The following MICAL3 variants were observed in gnomAD, a reference collection of about 807,000 sequenced individuals.
MICAL3 encodes the protein [F-actin]-monooxygenase MICAL3.
In MICAL3, 62 loss-of-function variants were observed where a neutral mutation model predicts 207.4. The ratio of observed to expected loss-of-function variants is 0.30; its 90% confidence interval spans 0.24 to 0.37. MICAL3 has a LOEUF of 0.37. Ranked by LOEUF, MICAL3 falls within the 10% of genes least tolerant of loss-of-function variation. The pLI, the probability that MICAL3 is intolerant of heterozygous loss-of-function variation, is 1.00. For synonymous variants in MICAL3, 1,077 were observed against 1,069.3 expected, an observed-to-expected ratio of 1.01 and a Z score of -0.14; for missense variants, 2,368 against 2,635.6, an observed-to-expected ratio of 0.90 and a Z score of 2.22.
At chr22:17,969,170 G>A (rs1935289951) in intron 1 of MICAL3, among the ~76,000 whole-genome samples, 1 of 152,160 alleles carries the variant, frequency 6.6e-6, no homozygotes, top group African/African-American at 2.4e-5. Context: ...CTCCCGAGTA[G>A]CTGGGATTAC....
Position 17,977,535 on chromosome 22 carries a change from A to AT in MICAL3, c.-75+46745dup, listed in dbSNP as rs1556513017. Among the ~76,000 whole-genome samples the AT allele has an allele frequency of 1.4e-3, 185 of 134,860 alleles. 2 individuals are homozygous for AT. The highest frequency in any genetic ancestry group is 3.7e-3 in the African/African-American group (118 of 32,046). The allele number at this position is 134,860 out of a possible 152,430, so 88.5% of individuals were successfully genotyped here. A position where few individuals can be genotyped will look rare whatever the true frequency, so the allele number is the denominator to read the frequency against. On this transcript the variant is annotated intron_variant, in intron 1 of 31. Coordinates refer to ENST00000441493, the MANE Select transcript of MICAL3 (RefSeq NM_015241.3). Reference sequence around the variant, plus strand: ...CTTCATACCCACTAGGAAGACTATAATAAAAAAAAAAAAAGACAGACAATA... The same window carrying AT: ...CTTCATACCCACTAGGAAGACTATAATTAAAAAAAAAAAAAGACAGACAATA...
At chr22:17,891,444 T>C in intron 12 of MICAL3, 41 bp downstream of exon 12, 1 of 1,601,894 alleles carries the variant, frequency 6.2e-7, no homozygotes, top group Non-Finnish European at 8.6e-7. Flanking sequence ...TCTGAGATCC[T>C]TGAGGAGTAT....
chr22:17,809,287 G>A (rs1760056953), intron 28 of MICAL3, among the ~76,000 whole-genome samples: 1 of 152,234 alleles, frequency 6.6e-6, no homozygotes, highest in South Asian at 2.1e-4. Flanking sequence ...GACTGCTAGA[G>A]TGCTGGAGGG....
chr22:17,885,732 T>C (rs2146217468), intron 16 of MICAL3, 146 bp downstream of exon 16: 1 of 807,588 alleles, frequency 1.2e-6, no homozygotes, highest in East Asian at 2.6e-5. Flanking sequence ...AGGGCTCTTC[T>C]TTGCTGCAGT....
At chr22:17,842,198 CTGCAGGAGAAAG>C (rs1924087982) in intron 19 of MICAL3, 181 bp from the exon 20 acceptor site, 1 of 620,388 alleles carries the variant, frequency 1.6e-6, no homozygotes, top group Admixed American at 2.9e-5. Context: ...GAATTTCACT[CTGCAGGAGAAAG>C]GAAGGTGGCC....
chr22:17,872,641 C>T (rs745542467), intron 16 of MICAL3: 60 of 722,252 alleles, frequency 8.3e-5, no homozygotes, highest in African/African-American at 6.5e-4. Flanking sequence ...AAGCAATTAC[C>T]GCATAGCATA....
rs1325374509 is a variant in MICAL3 at position 17,821,438 on chromosome 22, G to T, written c.3520C>A (p.Pro1174Thr). The stretch of plus-strand genomic sequence containing the variant: ...CCCCAAACCCTTACCTCTGTTGAGG[G>T]GCTGTGGACTGGAATGAACAGAAGA... ...SALLFIPVHS[P>T]STEGPQLPPV... Residue 1174 changes from proline to threonine, a missense_variant, in exon 25 of 32, where the codon CCC becomes ACC. Pro to Thr is a conservative substitution (Grantham distance 38, BLOSUM62 -1). Coordinates refer to ENST00000441493, the MANE Select transcript of MICAL3 (RefSeq NM_015241.3). The T allele has an allele frequency of 6.5e-7, 1 of 1,544,240 alleles. No individual in the cohort carries two copies. The highest frequency in any genetic ancestry group is 1.2e-5 in the South Asian group (1 of 83,312).
chr22:17,961,070 CAGCACACCTA>C (rs1934891535), intron 1 of MICAL3, among the ~76,000 whole-genome samples: 1 of 152,066 alleles, frequency 6.6e-6, no homozygotes, highest in Non-Finnish European at 1.5e-5. Context: ...TGCCAGCTGC[CAGCACACCTA>C]GGGACACCAG....
chr22:18,017,551 C>T (rs1462129616), intron 1 of MICAL3, among the ~76,000 whole-genome samples: 1 of 151,304 alleles, frequency 6.6e-6, no homozygotes, highest in Non-Finnish European at 1.5e-5. Flanking sequence ...ATATATAATG[C>T]AAATATTTCC....
intron 25 of MICAL3, among the ~76,000 whole-genome samples, chr22:17,820,938 T>G (rs1921547590): frequency 7.1e-6 from 1 of 141,358 alleles, no homozygotes; most frequent in Admixed American, 7.0e-5. Flanking sequence ...TTTAATAAAT[T>G]TATGTTTATA....
chr22:17,893,546 C>T (rs1930560593), intron 11 of MICAL3, among the ~76,000 whole-genome samples: 2 of 152,126 alleles, frequency 1.3e-5, no homozygotes, highest in Non-Finnish European at 2.9e-5. Context: ...AAGGTAATTC[C>T]GTGTGGTGGA....
At chr22:17,835,891 G>C (rs1923308297) in intron 20 of MICAL3, among the ~76,000 whole-genome samples, 1 of 152,250 alleles carries the variant, frequency 6.6e-6, no homozygotes, top group Admixed American at 6.5e-5. Flanking sequence ...GGCCAGGACA[G>C]CAGGAATGTG....
chr22:17,790,491 C>T lies in MICAL3; in HGVS notation c.*241G>A. Reference sequence around the variant, plus strand: ...GCGTCATGCCATACACGCCGTGCTGCTCCTCTGAGTGGGAGGTCCAGGTGG... The same window carrying T: ...GCGTCATGCCATACACGCCGTGCTGTTCCTCTGAGTGGGAGGTCCAGGTGG... On this transcript the variant is annotated 3_prime_UTR_variant, in exon 32 of 32. Coordinates refer to ENST00000441493, the MANE Select transcript of MICAL3 (RefSeq NM_015241.3). 1.8e-6 allele frequency: 1 copy of T among 564,876 alleles called. No individual in the cohort carries two copies. The highest frequency in any genetic ancestry group is 2.3e-5 in the South Asian group (1 of 43,770). The allele number at this position is 564,876 out of a possible 1,614,324, so 35.0% of individuals were successfully genotyped here.
intron 1 of MICAL3, among the ~76,000 whole-genome samples, chr22:17,981,614 A>G (rs1270122447): frequency 1.3e-5 from 2 of 152,184 alleles, no homozygotes; most frequent in Non-Finnish European, 2.9e-5. Context: ...CACCAAGGCT[A>G]ATGTCCAGCC....
At chr22:17,920,577 G>A in intron 1 of MICAL3, among the ~76,000 whole-genome samples, 1 of 152,104 alleles carries the variant, frequency 6.6e-6, no homozygotes, top group East Asian at 1.9e-4. Context: ...CTCCACACCG[G>A]CCTCCAGTCT....
At chr22:17,882,226 C>T (rs1363872858) in intron 16 of MICAL3, among the ~76,000 whole-genome samples, 2 of 152,190 alleles carry the variant, frequency 1.3e-5, no homozygotes, top group Non-Finnish European at 2.9e-5. Flanking sequence ...ACAGTGTTTA[C>T]AAAGTAAGGA....
intron 21 of MICAL3, among the ~76,000 whole-genome samples, chr22:17,830,226 G>T (rs1478801211): frequency 2.6e-5 from 4 of 152,166 alleles, no homozygotes; most frequent in African/African-American, 9.7e-5. Flanking sequence ...GGAGGGAAGA[G>T]AAGGGAGTAG....
chr22:17,864,396 A>C, intron 19 of MICAL3: 2 of 1,355,276 alleles, frequency 1.5e-6, no homozygotes, highest in Non-Finnish European at 1.9e-6. Context: ...CAGGACGCAG[A>C]ATCTTAAGTG....
intron 21 of MICAL3, among the ~76,000 whole-genome samples, chr22:17,828,370 G>A (rs961943788): frequency 1.3e-5 from 2 of 152,224 alleles, no homozygotes; most frequent in Non-Finnish European, 2.9e-5. Flanking sequence ...CTGGCACTTC[G>A]GTTTGCATCT....
Sources: gnomAD v4.1 joint callset for allele counts (sites outside exome capture counted in the v4.1 genomes callset) on GRCh38, gnomAD v4.1.1 for gene constraint, MANE v1.5 for transcripts, NCBI Gene and HGNC (gene_info 2026-07-23, HGNC 2026-07-21) for gene names.